CORIN: variants seen among roughly 807,000 people sequenced by gnomAD.
The protein encoded by CORIN is corin, serine peptidase.
A neutral mutation model predicts 125.3 loss-of-function variants in CORIN; 117 were observed. The ratio of observed to expected loss-of-function variants is 0.93; its 90% confidence interval spans 0.80 to 1.09. The LOEUF (loss-of-function observed/expected upper bound fraction) is 1.09, where lower values mean the gene tolerates loss of function less well. Ranked by LOEUF, CORIN falls within the 50% of genes least tolerant of loss-of-function variation. The pLI is 0.00. For synonymous variants in CORIN, 450 were observed against 466.4 expected (o/e 0.96, Z 0.45); for missense variants, 1,253 against 1,306.7 (o/e 0.96, Z 0.63).
At chr4:47,727,553 C>G (rs1383057179) in intron 5 of CORIN, among the ~76,000 whole-genome samples, 1 of 151,966 alleles carries the variant, frequency 6.6e-6, no homozygotes, top group Non-Finnish European at 1.5e-5. Flanking sequence ...GTAATAATTT[C>G]CATTTTATGC....
At chr4:47,715,885 G>A (rs17654399) in intron 5 of CORIN, among the ~76,000 whole-genome samples, 14,981 of 152,254 alleles carry the variant, frequency 0.098, 867 homozygotes, top group East Asian at 0.27. Flanking sequence ...ATATTGGAAC[G>A]GGTTGGCAAA....
chr4:47,642,953 G>A (rs1425939189), intron 15 of CORIN, 193 bp downstream of exon 15: 2 of 1,535,252 alleles, frequency 1.3e-6, no homozygotes, highest in African/African-American at 2.7e-5. Context: ...TTCAAATAGA[G>A]AAGTAGCTTC....
chr4:47,631,106 G>A (rs1722786266), intron 16 of CORIN, among the ~76,000 whole-genome samples: 1 of 152,146 alleles, frequency 6.6e-6, no homozygotes, highest in South Asian at 2.1e-4. Flanking sequence ...GCTATGTAGA[G>A]TGATTCCTGT....
chr4:47,668,238 A>T (rs2109680850), intron 10 of CORIN, among the ~76,000 whole-genome samples: 1 of 152,354 alleles, frequency 6.6e-6, no homozygotes, highest in South Asian at 2.1e-4. Context: ...TTAAAAATGC[A>T]TGTTTTTCAT....
intron 16 of CORIN, among the ~76,000 whole-genome samples, chr4:47,631,291 G>A (rs1181502412): frequency 6.6e-6 from 1 of 152,188 alleles, no homozygotes; most frequent in Non-Finnish European, 1.5e-5. Context: ...AGCAGGAGGT[G>A]AGTGCGGGGC....
chr4:47,705,485 T>C (rs895034921), intron 5 of CORIN, among the ~76,000 whole-genome samples: 2 of 152,044 alleles, frequency 1.3e-5, no homozygotes, highest in African/African-American at 4.8e-5. Flanking sequence ...AGATGGAAAA[T>C]ACTACTGCCA....
At chr4:47,806,286 A>G (rs1333295858) in intron 2 of CORIN, among the ~76,000 whole-genome samples, 1 of 152,204 alleles carries the variant, frequency 6.6e-6, no homozygotes, top group African/African-American at 2.4e-5. Flanking sequence ...AGTATTTAGT[A>G]TGAAAATGTA....
Position 47,718,229 on chromosome 4 carries a change from T to C in CORIN, c.800-25146A>G, listed in dbSNP as rs149402368. 5.6e-4 allele frequency among the ~76,000 whole-genome samples: 85 copies of C among 152,322 alleles called. No individual in the cohort carries two copies. The East Asian group carries it at 0.013, about 23-fold the overall frequency. ...CTACTTATTCTGTTGCTCCCAACAC[T>C]AATTCCAATGAAACTCCCAGTTACC... On this transcript the variant is annotated intron_variant, in intron 5 of 21. Coordinates refer to ENST00000273857, the MANE Select transcript of CORIN (RefSeq NM_006587.4).
chr4:47,793,946 CA>C (rs1478636121), intron 2 of CORIN, among the ~76,000 whole-genome samples: 1 of 152,094 alleles, frequency 6.6e-6, no homozygotes. Flanking sequence ...CACTTGAGAA[CA>C]AGGCTTTAGA....
chr4:47,742,122 CATCATCT>C (rs1728431585), intron 5 of CORIN, among the ~76,000 whole-genome samples: 1 of 151,868 alleles, frequency 6.6e-6, no homozygotes, highest in Admixed American at 6.6e-5. Context: ...AAAAATAATA[CATCATCT>C]TAATAGATAT....
chr4:47,755,468 C>G (rs1182824156), intron 4 of CORIN, among the ~76,000 whole-genome samples: 2 of 152,118 alleles, frequency 1.3e-5, no homozygotes, highest in African/African-American at 4.8e-5. Context: ...TGTTTTCTTT[C>G]TGTTCTTTAT....
intron 1 of CORIN, among the ~76,000 whole-genome samples, chr4:47,819,811 C>G (rs1732428892): frequency 6.6e-6 from 1 of 152,192 alleles, no homozygotes; most frequent in African/African-American, 2.4e-5. Context: ...CCCTGCTTTC[C>G]TGCCCTTAGG....
intron 13 of CORIN, among the ~76,000 whole-genome samples, chr4:47,649,310 A>G (rs552122979): frequency 2.0e-4 from 31 of 152,340 alleles, no homozygotes; most frequent in Non-Finnish European, 7.3e-5. Flanking sequence ...GACACCATCC[A>G]TCTACCTGAG....
chr4:47,744,605 G>A (rs1307305956), intron 4 of CORIN, 22 bp from the exon 5 acceptor site: 10 of 1,540,360 alleles, frequency 6.5e-6, no homozygotes, highest in South Asian at 1.2e-5. Context: ...AAAAGAGAAA[G>A]GTGAAAATTA....
chr4:47,830,153 T>C (rs16860663), intron 1 of CORIN, among the ~76,000 whole-genome samples: 67,138 of 151,862 alleles, frequency 0.44, 15,822 homozygotes, highest in East Asian at 0.9. Context: ...GTCAAACTAA[T>C]CCCTGAAAAG....
intron 16 of CORIN, among the ~76,000 whole-genome samples, chr4:47,633,308 T>C (rs1000885804): frequency 2.6e-5 from 4 of 152,162 alleles, no homozygotes; most frequent in African/African-American, 7.2e-5. Flanking sequence ...AAAATTGTAA[T>C]GTGAACTAAA....
chr4:47,645,865 G>T (rs567837650), intron 13 of CORIN, among the ~76,000 whole-genome samples: 1 of 152,100 alleles, frequency 6.6e-6, no homozygotes, highest in African/African-American at 2.4e-5. Context: ...CAGCCTGGGT[G>T]ACAGAACAAG....
intron 1 of CORIN, among the ~76,000 whole-genome samples, chr4:47,837,679 T>C (rs988203646): frequency 2.0e-5 from 3 of 151,094 alleles, no homozygotes; most frequent in African/African-American, 7.3e-5. Context: ...GCGACCGGGG[T>C]GGTGGTCGGG....
intron 6 of CORIN, among the ~76,000 whole-genome samples, chr4:47,692,001 T>C (rs974716843): frequency 9.2e-5 from 14 of 152,104 alleles, no homozygotes; most frequent in East Asian, 3.9e-4. Flanking sequence ...GCTCTTGCCA[T>C]ACTAACTGTG....
Sources: allele counts gnomAD v4.1 joint callset (sites outside exome capture counted in the v4.1 genomes callset), GRCh38; gene constraint gnomAD v4.1.1; transcripts MANE v1.5; gene names NCBI Gene and HGNC (gene_info 2026-07-23, HGNC 2026-07-21).